NHEJ1: variants seen among roughly 807,000 people sequenced by gnomAD.
NHEJ1 encodes non-homologous end joining factor 1.
Under a neutral mutation model 39.4 loss-of-function variants are expected in NHEJ1, and 22 were observed. The observed-to-expected ratio is 0.56, with a 90% confidence interval of 0.40 to 0.80. The LOEUF (loss-of-function observed/expected upper bound fraction) is 0.80. Ranked by LOEUF, NHEJ1 falls within the 30% of genes least tolerant of loss-of-function variation. The probability of loss-of-function intolerance (pLI) is 0.00; values close to 1 mark genes in which losing one functional copy is unlikely to be tolerated. For synonymous variants in NHEJ1, 154 were observed against 135.6 expected (o/e 1.14, Z -0.94); for missense variants, 329 against 357.1 (o/e 0.92, Z 0.63).
chr2:219,137,946 C>T (rs1949651234), intron 5 of NHEJ1, among the ~76,000 whole-genome samples: 1 of 152,154 alleles, frequency 6.6e-6, no homozygotes, highest in East Asian at 1.9e-4. Flanking sequence ...ATTCAGCCCG[C>T]ATGCACCTGA....
intron 3 of NHEJ1, among the ~76,000 whole-genome samples, chr2:219,153,800 T>A (rs1233615400): frequency 6.6e-6 from 1 of 152,078 alleles, no homozygotes; most frequent in Non-Finnish European, 1.5e-5. Context: ...AGCTTGTTAA[T>A]GTGAGTATGT....
At chr2:219,099,194 T>C (rs1364711233) in intron 5 of NHEJ1, among the ~76,000 whole-genome samples, 2 of 152,198 alleles carry the variant, frequency 1.3e-5, no homozygotes, top group Admixed American at 1.3e-4. Context: ...GAGCAGACTC[T>C]AGAACAGAGC....
At chr2:219,137,793 TAA>T (rs1288934935) in intron 5 of NHEJ1, among the ~76,000 whole-genome samples, 1 of 152,182 alleles carries the variant, frequency 6.6e-6, no homozygotes, top group East Asian at 1.9e-4. Flanking sequence ...AATCAAAGCC[TAA>T]ATCAAAGCCC....
At chr2:219,159,542 T>A (rs1265538401) in intron 1 of NHEJ1, among the ~76,000 whole-genome samples, 1 of 34,312 alleles carries the variant, frequency 2.9e-5, no homozygotes, top group Non-Finnish European at 7.1e-5. Context: ...TATATGCATA[T>A]ATATATATGC....
chr2:219,128,466 C>T (rs959255604), intron 5 of NHEJ1, among the ~76,000 whole-genome samples: 4 of 152,060 alleles, frequency 2.6e-5, no homozygotes, highest in Non-Finnish European at 5.9e-5. Context: ...TTTTTTCCCC[C>T]TTCTGGGTAC....
Position 219,132,567 on chromosome 2 carries a change from T to A in NHEJ1, c.588+14113A>T, listed in dbSNP as rs201201975. 2.6e-4 allele frequency among the ~76,000 whole-genome samples: 40 copies of A among 152,282 alleles called. No individual in the cohort carries two copies. In the East Asian group the frequency reaches 7.7e-3, roughly 29 times the overall value. Reference sequence around the variant, plus strand: ...CCATAGCATCAGAATTGCTCAGGCTTCAAGCATAAGATTAACAAAAGCCAA... The same window carrying A: ...CCATAGCATCAGAATTGCTCAGGCTACAAGCATAAGATTAACAAAAGCCAA... On this transcript the variant is annotated intron_variant, in intron 5 of 7. Coordinates refer to ENST00000356853, the MANE Select transcript of NHEJ1 (RefSeq NM_024782.3).
At chr2:219,105,794 G>C (rs1574715527) in intron 5 of NHEJ1, among the ~76,000 whole-genome samples, 1 of 152,058 alleles carries the variant, frequency 6.6e-6, no homozygotes, top group African/African-American at 2.4e-5. Flanking sequence ...CAAATGGCCA[G>C]AATTAAATCT....
At chr2:219,081,088 G>C (rs1172892045) in intron 5 of NHEJ1, among the ~76,000 whole-genome samples, 1 of 152,160 alleles carries the variant, frequency 6.6e-6, no homozygotes, top group Non-Finnish European at 1.5e-5. Flanking sequence ...GCTCCCCAAG[G>C]TGACAAGAAA....
intron 5 of NHEJ1, among the ~76,000 whole-genome samples, chr2:219,093,325 C>T (rs1949178513): frequency 6.6e-6 from 1 of 152,108 alleles, no homozygotes; most frequent in South Asian, 2.1e-4. Flanking sequence ...GATGAACAAT[C>T]AGTAAAGAAG....
intron 5 of NHEJ1, among the ~76,000 whole-genome samples, chr2:219,082,545 C>T (rs1949076495): frequency 6.6e-6 from 1 of 152,194 alleles, no homozygotes; most frequent in African/African-American, 2.4e-5. Flanking sequence ...AAAGAAACTT[C>T]TAGAATCCTG....
At chr2:219,087,677 C>T (rs1033169717) in intron 5 of NHEJ1, among the ~76,000 whole-genome samples, 21 of 152,220 alleles carry the variant, frequency 1.4e-4, no homozygotes, top group Non-Finnish European at 1.3e-4. Context: ...ACCTGCCACA[C>T]ACACTCAAAA....
rs370111304 is a variant in NHEJ1 at position 219,149,363 on chromosome 2, C to A, written c.391-1568G>T. Among the ~76,000 whole-genome samples the A allele has an allele frequency of 3.9e-5, 6 of 152,258 alleles. 1 individual carries two copies. Among genetic ancestry groups the A allele is most frequent in the Admixed American group, 2.6e-4 (4 of 15,300 alleles). ...AACTAGGCCGGCTCATGCCTGTAAT[C>A]CCAGCATTTTGGGAGGCCAACGTTG... On this transcript the variant is annotated intron_variant, in intron 3 of 7. Transcript: ENST00000356853.
At chr2:219,088,834 A>G (rs1475767181) in intron 5 of NHEJ1, among the ~76,000 whole-genome samples, 2 of 152,096 alleles carry the variant, frequency 1.3e-5, no homozygotes, top group African/African-American at 4.8e-5. Context: ...GTTTTTTGAG[A>G]CGGAGTCTCA....
In NHEJ1 at chr2:219,157,972, TTCTC is replaced by T. The variant is rs1164655700; in HGVS notation, c.177+210_177+213del. On this transcript the variant is annotated intron_variant, in intron 2 of 7. Transcript: ENST00000356853. ...CATAGGGTAGGGAAACTAACTTTCT[TTCTC>T]TCTCTCTCTCTCTCTCACACACACA... 2.1e-4 allele frequency among the ~76,000 whole-genome samples: 28 copies of T among 131,954 alleles called. No homozygotes were observed. The South Asian group carries it at 5.8e-3, about 28-fold the overall frequency. 86.6% of individuals were successfully genotyped at this position (131,954 alleles called of 152,430 possible).
intron 5 of NHEJ1, among the ~76,000 whole-genome samples, chr2:219,080,591 ATATATATGCTAATATATATAAGCT>A (rs1454924063): frequency 4.0e-5 from 4 of 99,738 alleles, no homozygotes; most frequent in African/African-American, 1.3e-4. Context: ...ATACGCTTAT[ATATATATGCTAATATATATAAGCT>A]TATATATATG....
chr2:219,147,042 C>G (rs369539339), intron 4 of NHEJ1, among the ~76,000 whole-genome samples: 2 of 152,190 alleles, frequency 1.3e-5, no homozygotes, highest in African/African-American at 4.8e-5. Context: ...CCTAAACTCC[C>G]AAGTCCATGT....
chr2:219,081,016 C>T (rs1189423610), intron 5 of NHEJ1, among the ~76,000 whole-genome samples: 1 of 152,158 alleles, frequency 6.6e-6, no homozygotes, highest in East Asian at 1.9e-4. Context: ...TCCAGCTTCT[C>T]CCAGGATCAC....
In NHEJ1 at chr2:219,147,807, G is replaced by C. The variant is rs754215865; in HGVS notation, c.391-12C>G. On this transcript the variant is annotated splice_polypyrimidine_tract_variant and intron_variant, in intron 3 of 7. Coordinates refer to ENST00000356853, the MANE Select transcript of NHEJ1 (RefSeq NM_024782.3). ...AAATGTTGGGAGACCTTTGAGGGAA[G>C]AGATATCAATTAGCCAAAAGACTCT... 2.5e-6 allele frequency: 4 copies of C among 1,614,006 alleles called. No homozygotes were observed. The highest frequency in any genetic ancestry group is 3.4e-6 in the Non-Finnish European group (4 of 1,179,896).
At chr2:219,087,519 G>A (rs1031455543) in intron 5 of NHEJ1, among the ~76,000 whole-genome samples, 2 of 152,050 alleles carry the variant, frequency 1.3e-5, no homozygotes, top group Admixed American at 6.5e-5. Context: ...CAGATTACAC[G>A]CTTGACAGCT....
Sources: gnomAD v4.1 joint callset for allele counts (sites outside exome capture counted in the v4.1 genomes callset) on GRCh38, gnomAD v4.1.1 for gene constraint, MANE v1.5 for transcripts, NCBI Gene and HGNC (gene_info 2026-07-23, HGNC 2026-07-21) for gene names.